ATF6: variants seen among roughly 807,000 people sequenced by gnomAD.
ATF6 encodes cyclic AMP-dependent transcription factor ATF-6 alpha.
In ATF6, 53 loss-of-function variants were observed where a neutral mutation model predicts 83.6. That is an observed-to-expected ratio of 0.63 (90% CI 0.51 to 0.80). The LOEUF is 0.80. Ranked by LOEUF, ATF6 falls within the 30% of genes least tolerant of loss-of-function variation. ATF6 has a pLI of 0.00. For missense variants in ATF6, 744 were observed against 797.9 expected (o/e 0.93, Z 0.81); for synonymous variants, 288 against 285.8 (o/e 1.01, Z -0.08).
At chr1:161,850,198 C>T (rs1007930500) in intron 10 of ATF6, among the ~76,000 whole-genome samples, 3 of 152,174 alleles carry the variant, frequency 2.0e-5, no homozygotes, top group African/African-American at 7.2e-5. Flanking sequence ...TTTATGACTT[C>T]TTATTACATT....
intron 9 of ATF6, among the ~76,000 whole-genome samples, chr1:161,834,907 C>G (rs556124915): frequency 1.1e-4 from 16 of 152,130 alleles, no homozygotes; most frequent in African/African-American, 3.9e-4. Context: ...AGATATTGGA[C>G]AAGAGGTTAT....
In ATF6 at chr1:161,961,838, G is replaced by C. The variant is rs2499849; in HGVS notation, c.*3184G>C. ...GGTTGCAAGTCCCAAATTTTTAAGG[G>C]TTAATGGAAGTAAGTGGATGTTTCC... On this transcript the variant is annotated 3_prime_UTR_variant, in exon 16 of 16. Transcript: ENST00000367942. 0.64 allele frequency: 96,921 copies of C among 151,930 alleles called. 32,318 individuals are homozygous for C. Among genetic ancestry groups the C allele is most frequent in the Non-Finnish European group, 0.74 (50,556 of 67,982 alleles). The allele number at this position is 151,930 out of a possible 1,614,324, so 9.4% of individuals were successfully genotyped here.
intron 14 of ATF6, among the ~76,000 whole-genome samples, chr1:161,910,482 A>G (rs1359787240): frequency 1.3e-5 from 2 of 152,212 alleles, no homozygotes; most frequent in Non-Finnish European, 2.9e-5. Flanking sequence ...TAGTGAAAAG[A>G]AAAAGTAGGA....
rs769215650 is a variant in ATF6 at position 161,802,252 on chromosome 1, A to G, written c.889A>G (p.Met297Val). The change falls in exon 7 of 16, where the codon ATG becomes GTG. Residue 297 changes from methionine to valine, a missense_variant. By Grantham distance (21) the Met-to-Val change is conservative. Coordinates refer to ENST00000367942, the MANE Select transcript of ATF6 (RefSeq NM_007348.4). ...SVTKPVLQST[M>V]RNVGSDIAVL... ...GACTAAACCTGTCCTACAAAGTACC[A>G]TGAGAAATGTCGGTTCAGATGTAAG... 2.7e-5 allele frequency: 44 copies of G among 1,613,818 alleles called. No individual in the cohort carries two copies. The highest frequency in any genetic ancestry group is 3.7e-5 in the Non-Finnish European group (44 of 1,179,898).
intron 14 of ATF6, among the ~76,000 whole-genome samples, chr1:161,888,228 CT>C: frequency 6.6e-6 from 1 of 152,222 alleles, no homozygotes; most frequent in East Asian, 1.9e-4. Context: ...AACTTCCCTG[CT>C]TTTTTAAAAG....
intron 12 of ATF6, among the ~76,000 whole-genome samples, chr1:161,859,487 A>G (rs1045159581): frequency 1.5e-4 from 23 of 152,344 alleles, no homozygotes; most frequent in African/African-American, 5.5e-4. Context: ...GTAATGAACA[A>G]ATGATTAAAA....
intron 7 of ATF6, among the ~76,000 whole-genome samples, chr1:161,817,929 C>G (rs1185136343): frequency 2.0e-5 from 3 of 151,882 alleles, no homozygotes; most frequent in Non-Finnish European, 4.4e-5. Context: ...AACCCTGTCT[C>G]TACCAAAAAT....
rs139535481 is a variant in ATF6 at position 161,881,859 on chromosome 1, T to C, written c.1719+18547T>C. The stretch of plus-strand genomic sequence containing the variant: ...TAAGAAATATTTGCCTAACTAAAGG[T>C]CACAAATATTTTCTCATATTTTTTT... On this transcript the variant is annotated intron_variant, in intron 14 of 15. Transcript: ENST00000367942. 5.4e-3 allele frequency among the ~76,000 whole-genome samples: 815 copies of C among 152,224 alleles called. 8 individuals are homozygous for C. Among genetic ancestry groups the C allele is most frequent in the Non-Finnish European group, 7.9e-3 (536 of 67,986 alleles).
chr1:161,812,711 A>T (rs12124589), intron 7 of ATF6, among the ~76,000 whole-genome samples: 3,482 of 151,638 alleles, frequency 0.023, 56 homozygotes, highest in Non-Finnish European at 0.033. Flanking sequence ...TATTTTCAAT[A>T]TTGCTTTAGT....
chr1:161,779,214 G>A (rs1684584076), intron 2 of ATF6, among the ~76,000 whole-genome samples: 1 of 152,062 alleles, frequency 6.6e-6, no homozygotes, highest in African/African-American at 2.4e-5. Context: ...TTTAATATTG[G>A]CTATTTGAAT....
At chr1:161,899,854 T>C (rs1687746345) in intron 14 of ATF6, among the ~76,000 whole-genome samples, 1 of 152,168 alleles carries the variant, frequency 6.6e-6, no homozygotes, top group East Asian at 1.9e-4. Context: ...CCGTCCAGAG[T>C]TGAAGAAACG....
chr1:161,907,787 G>T (rs566881159), intron 14 of ATF6, among the ~76,000 whole-genome samples: 1 of 152,178 alleles, frequency 6.6e-6, no homozygotes, highest in Non-Finnish European at 1.5e-5. Flanking sequence ...TGTATGCAGG[G>T]CCAATTTCTT....
chr1:161,817,864 G>A (rs995522867), intron 7 of ATF6, among the ~76,000 whole-genome samples: 4 of 152,018 alleles, frequency 2.6e-5, no homozygotes, highest in African/African-American at 7.2e-5. Flanking sequence ...TTGGGAGGCC[G>A]AGGCGGGCGG....
At chr1:161,886,644 C>T (rs1687427949) in intron 14 of ATF6, among the ~76,000 whole-genome samples, 1 of 152,192 alleles carries the variant, frequency 6.6e-6, no homozygotes, top group Non-Finnish European at 1.5e-5. Flanking sequence ...GTATATGTTC[C>T]ATTATAATCT....
chr1:161,889,025 C>T lies in ATF6; in HGVS notation c.1720-23271C>T, dbSNP rs79664211. Among the ~76,000 whole-genome samples the T allele has an allele frequency of 3.0e-3, 456 of 152,268 alleles. 2 individuals carry two copies. Among genetic ancestry groups the T allele is most frequent in the African/African-American group, 0.01 (423 of 41,552 alleles). On this transcript the variant is annotated intron_variant, in intron 14 of 15. Coordinates refer to ENST00000367942, the MANE Select transcript of ATF6 (RefSeq NM_007348.4). ...ACCACCCATATATAATTCTCTTTACCGCATCCTTTATCACACTCCTACAAG... is the reference window on the plus strand; with the variant it reads ...ACCACCCATATATAATTCTCTTTACTGCATCCTTTATCACACTCCTACAAG...
chr1:161,890,026 C>T (rs1339507063), intron 14 of ATF6, among the ~76,000 whole-genome samples: 1 of 152,182 alleles, frequency 6.6e-6, no homozygotes, highest in African/African-American at 2.4e-5. Context: ...TCTTTACACA[C>T]ATACAAATTA....
intron 9 of ATF6, among the ~76,000 whole-genome samples, chr1:161,829,754 G>A (rs1198352243): frequency 1.3e-5 from 2 of 151,988 alleles, no homozygotes. Context: ...AAATTCAACA[G>A]CCCTTCATGC....
chr1:161,814,832 A>G (rs1348443723), intron 7 of ATF6, among the ~76,000 whole-genome samples: 1 of 152,252 alleles, frequency 6.6e-6, no homozygotes, highest in Admixed American at 6.5e-5. Context: ...TAGGATTGCC[A>G]CAAATTAAAT....
At chr1:161,870,270 A>G (rs1358479406) in intron 14 of ATF6, among the ~76,000 whole-genome samples, 2 of 151,870 alleles carry the variant, frequency 1.3e-5, no homozygotes, top group Non-Finnish European at 3.0e-5. Context: ...TTAATAGATT[A>G]TGCTTTCATA....
Sources: allele counts gnomAD v4.1 joint callset (sites outside exome capture counted in the v4.1 genomes callset), GRCh38; gene constraint gnomAD v4.1.1; transcripts MANE v1.5; gene names NCBI Gene and HGNC (gene_info 2026-07-23, HGNC 2026-07-21).